The following KIF26B variants were observed in gnomAD, a reference collection of about 807,000 sequenced individuals.
KIF26B encodes the protein kinesin-like protein KIF26B.
KIF26B carries 63 observed loss-of-function variants against 151.2 expected under a neutral mutation model. The ratio of observed to expected loss-of-function variants is 0.42; its 90% confidence interval spans 0.34 to 0.51. KIF26B has a LOEUF of 0.51. Among genes scored for constraint, KIF26B ranks in the 20% least tolerant of loss-of-function variants. KIF26B has a pLI of 0.07. For missense variants in KIF26B, 2,813 were observed against 2,913.6 expected (o/e 0.97, Z 0.79); for synonymous variants, 1,357 against 1,262.1 (o/e 1.08, Z -1.59).
intron 6 of KIF26B, 136 bp from the exon 7 acceptor site, chr1:245,607,515 C>G: frequency 1.5e-6 from 1 of 656,894 alleles, no homozygotes; most frequent in Non-Finnish European, 2.6e-6. Context: ...CAAAACTTCA[C>G]GACAGAGGCC....
At chr1:245,434,202 T>A (rs540038133) in intron 4 of KIF26B, among the ~76,000 whole-genome samples, 1 of 152,274 alleles carries the variant, frequency 6.6e-6, no homozygotes, top group East Asian at 1.9e-4. Context: ...TAGAGGCACT[T>A]ACTAGGGATG....
At chr1:245,380,797 G>A (rs758772376) in intron 3 of KIF26B, among the ~76,000 whole-genome samples, 5 of 151,994 alleles carry the variant, frequency 3.3e-5, no homozygotes, top group Non-Finnish European at 7.4e-5. Context: ...TGATTTCTTT[G>A]GGGGCAATTT....
In KIF26B at chr1:245,166,577, A is replaced by G. The variant is rs945648478; in HGVS notation, c.465+9894A>G. On this transcript the variant is annotated intron_variant, in intron 2 of 14. Transcript: ENST00000407071. The surrounding 1 kb of genome is among the most constrained non-coding windows in gnomAD (Gnocchi z 4.5). ...GTAGCCCCTCCAGGGAGACTTGCAGATGTGGCATTTGGCATTTCGGCTCCG... is the reference window on the plus strand; with the variant it reads ...GTAGCCCCTCCAGGGAGACTTGCAGGTGTGGCATTTGGCATTTCGGCTCCG... 2.0e-5 allele frequency among the ~76,000 whole-genome samples: 3 copies of G among 152,138 alleles called. No individual in the cohort carries two copies. In the South Asian group the frequency reaches 6.2e-4, roughly 32 times the overall value.
chr1:245,330,287 TGGG>T (rs1215121652), intron 2 of KIF26B, among the ~76,000 whole-genome samples: 1 of 145,672 alleles, frequency 6.9e-6, no homozygotes, highest in Non-Finnish European at 1.5e-5. Context: ...CTGAGACTCT[TGGG>T]GAGGGGGTGT....
chr1:245,679,578 C>T (rs1270793247), intron 10 of KIF26B, among the ~76,000 whole-genome samples: 1 of 149,120 alleles, frequency 6.7e-6, no homozygotes, highest in Non-Finnish European at 1.5e-5. Flanking sequence ...AGGTGATTCT[C>T]CTGCCTCGGC....
intron 4 of KIF26B, among the ~76,000 whole-genome samples, chr1:245,475,411 C>T (rs1660012631): frequency 6.6e-6 from 1 of 151,676 alleles, no homozygotes; most frequent in African/African-American, 2.4e-5. Flanking sequence ...GGACAGCCTG[C>T]GGCACCACTA....
At chr1:245,260,039 C>T (rs2103569438) in intron 2 of KIF26B, among the ~76,000 whole-genome samples, 2 of 150,946 alleles carry the variant, frequency 1.3e-5, no homozygotes, top group African/African-American at 4.9e-5. Flanking sequence ...GTTCATTTAT[C>T]TGAGAGGTGA....
chr1:245,216,069 A>T (rs1420337096), intron 2 of KIF26B: 1 of 152,078 alleles, frequency 6.6e-6, no homozygotes, highest in Non-Finnish European at 1.5e-5. Flanking sequence ...CTCTAAAAAA[A>T]AAATTAATTA....
intron 3 of KIF26B, among the ~76,000 whole-genome samples, chr1:245,411,191 G>A (rs1674273134): frequency 6.6e-6 from 1 of 152,210 alleles, no homozygotes; most frequent in Non-Finnish European, 1.5e-5. Context: ...TCATGACACT[G>A]CCACAGTAGG....
chr1:245,675,500 C>T (rs942247105), intron 10 of KIF26B, among the ~76,000 whole-genome samples: 1 of 152,166 alleles, frequency 6.6e-6, no homozygotes, highest in Admixed American at 6.5e-5. Context: ...GTTTACCTCC[C>T]AGAAGCTCAT....
chr1:245,662,485 C>CT (rs1406786249), intron 10 of KIF26B, among the ~76,000 whole-genome samples: 3,990 of 76,718 alleles, frequency 0.052, 163 homozygotes, highest in African/African-American at 0.15. Context: ...TACACACACC[C>CT]AATATATATA....
In KIF26B at chr1:245,687,663, G is replaced by C; in HGVS notation, c.4680G>C (p.Glu1560Asp). ...GCCTCTCCTATTACTGCGCTGCTGA[G>C]ACCAACGGGGTGGGTGCAGCCTCGG... ...PDSLSYYCAA[E>D]TNGVGAASGT... The change falls in exon 12 of 15, where the codon GAG (glutamate) becomes GAC (aspartate). Residue 1560 changes from glutamate (E) to aspartate (D), a missense_variant. Physicochemically the swap from Glu to Asp is conservative, Grantham distance 45. Around this residue, in one of 3 missense-constraint regions of KIF26B, gnomAD observed 2,060 missense variants for 2,088.6 expected, o/e 0.99. Transcript: ENST00000407071. The surrounding 1 kb of genome is among the most constrained non-coding windows in gnomAD (Gnocchi z 4.9). 6.3e-7 allele frequency: 1 copy of C among 1,576,186 alleles called. No individual in the cohort carries two copies. The highest frequency in any genetic ancestry group is 1.2e-5 in the South Asian group (1 of 85,572).
chr1:245,466,755 G>A (rs1367947701), intron 4 of KIF26B, among the ~76,000 whole-genome samples: 2 of 152,016 alleles, frequency 1.3e-5, no homozygotes, highest in East Asian at 1.9e-4. Context: ...GTGAAACCCT[G>A]TCTCCACTAA....
At chr1:245,625,346 A>T (rs905230470) in intron 9 of KIF26B, among the ~76,000 whole-genome samples, 1 of 152,180 alleles carries the variant, frequency 6.6e-6, no homozygotes, top group Non-Finnish European at 1.5e-5. Context: ...TTGGGATTGC[A>T]TTGAAGCTAT....
intron 4 of KIF26B, among the ~76,000 whole-genome samples, chr1:245,520,113 C>CAGAG (rs1661056342): frequency 1.8e-5 from 1 of 56,828 alleles, no homozygotes; most frequent in South Asian, 5.1e-4. Flanking sequence ...ACTCAACTAA[C>CAGAG]TGAGAGAGAG....
At chr1:245,538,418 A>G (rs1453927686) in intron 4 of KIF26B, among the ~76,000 whole-genome samples, 1 of 151,914 alleles carries the variant, frequency 6.6e-6, no homozygotes, top group African/African-American at 2.4e-5. Context: ...GGAATGATCT[A>G]GTAGCGTGAA....
At chr1:245,655,545 G>A (rs1251835143) in intron 10 of KIF26B, among the ~76,000 whole-genome samples, 1 of 152,180 alleles carries the variant, frequency 6.6e-6, no homozygotes, top group Admixed American at 6.5e-5. Context: ...AATTCTACAG[G>A]CTCTGCACGA....
intron 2 of KIF26B, among the ~76,000 whole-genome samples, chr1:245,160,138 C>T (rs1668508707): frequency 6.6e-6 from 1 of 152,212 alleles, no homozygotes; most frequent in Admixed American, 6.5e-5. Context: ...ACTCTGTATT[C>T]ATCCTTTCCG....
intron 4 of KIF26B, among the ~76,000 whole-genome samples, chr1:245,509,393 G>A (rs1182737953): frequency 1.3e-5 from 2 of 152,138 alleles, no homozygotes; most frequent in Non-Finnish European, 2.9e-5. Flanking sequence ...GAAGATGAGC[G>A]TTCCAGGTAA....
Sources: gnomAD v4.1 joint callset for allele counts (sites outside exome capture counted in the v4.1 genomes callset) on GRCh38, gnomAD v4.1.1 for gene constraint, gnomAD v4.1.1 regional missense constraint, Gnocchi (gnomAD v3.1) non-coding constraint, MANE v1.5 for transcripts, NCBI Gene and HGNC (gene_info 2026-07-23, HGNC 2026-07-21) for gene names.